The following KDM4C variants were observed in gnomAD, a reference collection of about 807,000 sequenced individuals.
KDM4C encodes lysine demethylase 4C, also known as lysine-specific demethylase 4C.
KDM4C carries 81 observed loss-of-function variants against 129.3 expected under a neutral mutation model. That is an observed-to-expected ratio of 0.63 (90% confidence interval 0.52 to 0.75). The LOEUF (loss-of-function observed/expected upper bound fraction) is 0.75, where lower values mean the gene tolerates loss of function less well. Among genes scored for constraint, KDM4C ranks in the 30% least tolerant of loss-of-function variants. The pLI is 0.00. For synonymous variants in KDM4C, 573 were observed against 456.1 expected (o/e 1.26, Z -3.26); for missense variants, 1,457 against 1,304.0 (o/e 1.12, Z -1.81).
At chr9:6,843,204 C>T (rs1837289228) in intron 4 of KDM4C, among the ~76,000 whole-genome samples, 1 of 152,240 alleles carries the variant, frequency 6.6e-6, no homozygotes, top group African/African-American at 2.4e-5. Context: ...GCTGGGATTA[C>T]AGGCATGAGC....
intron 5 of KDM4C, among the ~76,000 whole-genome samples, chr9:6,870,005 A>G (rs1013270325): frequency 1.3e-5 from 2 of 152,258 alleles, no homozygotes; most frequent in Admixed American, 1.3e-4. Flanking sequence ...AGTCGCATCT[A>G]TAAAATCCAT....
chr9:6,969,876 T>A (rs1831653437), intron 8 of KDM4C, among the ~76,000 whole-genome samples: 1 of 151,354 alleles, frequency 6.6e-6, no homozygotes, highest in South Asian at 2.1e-4. Context: ...TTTCTTGTCA[T>A]ACTTTCTGCT....
chr9:6,912,153 C>T (rs1819434460), intron 8 of KDM4C, among the ~76,000 whole-genome samples: 1 of 152,190 alleles, frequency 6.6e-6, no homozygotes, highest in Non-Finnish European at 1.5e-5. Context: ...CTTGCTGTTT[C>T]TGGCCAGCCT....
chr9:6,897,840 AT>A (rs1367446157), intron 8 of KDM4C, among the ~76,000 whole-genome samples: 2 of 152,240 alleles, frequency 1.3e-5, no homozygotes, highest in South Asian at 4.1e-4. Flanking sequence ...AAATGCAATT[AT>A]TTTTTCTTGA....
intron 18 of KDM4C, chr9:7,104,250 TGAG>T (rs1206035292): frequency 5.2e-6 from 1 of 193,768 alleles, no homozygotes; most frequent in African/African-American, 2.3e-5. Flanking sequence ...GATCACCACC[TGAG>T]ATTATGTAGT....
intron 8 of KDM4C, among the ~76,000 whole-genome samples, chr9:6,943,219 G>A (rs1352062437): frequency 6.6e-6 from 1 of 151,888 alleles, no homozygotes; most frequent in African/African-American, 2.4e-5. Context: ...TCTTACCTCT[G>A]TTATTCAAGT....
intron 1 of KDM4C, among the ~76,000 whole-genome samples, chr9:6,737,139 C>T (rs1817550264): frequency 7.1e-6 from 1 of 140,090 alleles, no homozygotes. Flanking sequence ...TTTCAAAAAA[C>T]AAACAAATAA....
chr9:7,147,951 G>A (rs538365674), intron 19 of KDM4C, among the ~76,000 whole-genome samples: 4 of 152,174 alleles, frequency 2.6e-5, no homozygotes, highest in Middle Eastern at 3.2e-3. Flanking sequence ...GGCTGTGCTC[G>A]GCTCATGCTA....
intron 8 of KDM4C, among the ~76,000 whole-genome samples, chr9:6,902,462 C>A (rs980633785): frequency 1.3e-5 from 2 of 152,096 alleles, no homozygotes; most frequent in Non-Finnish European, 2.9e-5. Flanking sequence ...AATTGTCGTT[C>A]TGTGTGGAAT....
chr9:6,735,611 A>G (rs1817503226), intron 1 of KDM4C, among the ~76,000 whole-genome samples: 1 of 152,190 alleles, frequency 6.6e-6, no homozygotes, highest in African/African-American at 2.4e-5. Context: ...GCATGCTGCC[A>G]TCCATGTGAG....
At chr9:7,170,400 G>T in intron 21 of KDM4C, 1 of 993,696 alleles carries the variant, frequency 1.0e-6, no homozygotes, top group Non-Finnish European at 1.2e-6. Context: ...CATAATAAAA[G>T]GGATAAACAA....
intron 1 of KDM4C, among the ~76,000 whole-genome samples, chr9:6,792,563 AT>A (rs1450222587): frequency 6.6e-6 from 1 of 151,668 alleles, no homozygotes; most frequent in East Asian, 2.0e-4. Context: ...TAAGTTTTGT[AT>A]TTTTAGTAGA....
intron 11 of KDM4C, 30 bp from the exon 12 acceptor site, chr9:6,990,386 A>G (rs766633820): frequency 6.6e-6 from 9 of 1,367,934 alleles, no homozygotes; most frequent in Middle Eastern, 1.8e-4. Context: ...TGATAATGGT[A>G]TTTCTCCACC....
intron 18 of KDM4C, among the ~76,000 whole-genome samples, chr9:7,122,267 T>TCA (rs1564145478): frequency 8.6e-6 from 1 of 116,494 alleles, no homozygotes; most frequent in Non-Finnish European, 1.8e-5. Context: ...ACACACACAC[T>TCA]CTCTCTCTCT....
At chr9:7,057,351 T>G (rs1245777512) in intron 17 of KDM4C, among the ~76,000 whole-genome samples, 1 of 152,238 alleles carries the variant, frequency 6.6e-6, no homozygotes, top group Non-Finnish European at 1.5e-5. Context: ...TTTATTGATC[T>G]CAATATCAAA....
At chr9:6,981,608 A>G (rs938894333) in intron 9 of KDM4C, among the ~76,000 whole-genome samples, 2 of 152,240 alleles carry the variant, frequency 1.3e-5, no homozygotes, top group African/African-American at 4.8e-5. Flanking sequence ...AACACAGCAT[A>G]TAGCATTTCT....
intron 19 of KDM4C, among the ~76,000 whole-genome samples, chr9:7,143,077 C>T (rs957139048): frequency 2.6e-5 from 4 of 152,216 alleles, no homozygotes; most frequent in South Asian, 2.1e-4. Flanking sequence ...CACTCCCTCC[C>T]CTCCCAGCTT....
chr9:6,740,340 A>T (rs1817645142), intron 1 of KDM4C, among the ~76,000 whole-genome samples: 1 of 151,944 alleles, frequency 6.6e-6, no homozygotes, highest in Non-Finnish European at 1.5e-5. Context: ...AGCAGCTGAG[A>T]CTACAGGCGC....
At chr9:7,097,317 C>T (rs1836555239) in intron 17 of KDM4C, among the ~76,000 whole-genome samples, 1 of 152,176 alleles carries the variant, frequency 6.6e-6, no homozygotes, top group South Asian at 2.1e-4. Flanking sequence ...ATCTAAACTC[C>T]GAGAAATTAA....
Sources: gnomAD v4.1 joint callset for allele counts (sites outside exome capture counted in the v4.1 genomes callset) on GRCh38, gnomAD v4.1.1 for gene constraint, MANE v1.5 for transcripts, NCBI Gene and HGNC (gene_info 2026-07-23, HGNC 2026-07-21) for gene names.